SYNE1: variants seen among roughly 807,000 people sequenced by gnomAD.
The protein encoded by SYNE1 is nesprin-1.
Under a neutral mutation model 1,111.0 loss-of-function variants are expected in SYNE1, and 616 were observed. That is an observed-to-expected ratio of 0.55 (90% CI 0.52 to 0.59). The LOEUF is 0.59. SYNE1 is among the 20% of genes least tolerant of loss of function. SYNE1 has a pLI of 0.00. For missense variants in SYNE1, 10,006 were observed against 10,417.0 expected (o/e 0.96, Z 1.72); for synonymous variants, 3,855 against 3,825.8 (o/e 1.01, Z -0.28).
At chr6:152,568,092 A>G (rs947454019) in intron 3 of SYNE1, among the ~76,000 whole-genome samples, 3 of 152,078 alleles carry the variant, frequency 2.0e-5, no homozygotes, top group African/African-American at 7.2e-5. Context: ...AATAAACTAT[A>G]ACAACTACCT....
chr6:152,313,250 G>A (rs547952904), intron 87 of SYNE1, among the ~76,000 whole-genome samples: 1 of 152,202 alleles, frequency 6.6e-6, no homozygotes, highest in East Asian at 1.9e-4. Flanking sequence ...CATTGCCTGA[G>A]TCTGTTATTT....
At chr6:152,211,461 C>G in intron 124 of SYNE1, 33 bp downstream of exon 124, 1 of 1,566,580 alleles carries the variant, frequency 6.4e-7, no homozygotes, top group Non-Finnish European at 8.8e-7. Flanking sequence ...TTTACTGGAA[C>G]CTTTCTTTGT....
At chr6:152,511,635 T>G (rs375071046) in intron 6 of SYNE1, 135 of 1,589,398 alleles carry the variant, frequency 8.5e-5, no homozygotes, top group Non-Finnish European at 1.1e-4. Context: ...TATACATAAA[T>G]CATCTTTCAA....
Position 152,331,384 on chromosome 6 carries a change from A to G in SYNE1, c.13301T>C (p.Val4434Ala). The change falls in exon 78 of 146, where the codon GTG becomes GCG. Residue 4434 changes from valine (V) to alanine (A), a missense_variant. Coordinates refer to ENST00000367255, the MANE Select transcript of SYNE1 (RefSeq NM_182961.4). Reference protein sequence around the residue: ...QKALSDAQSHVNCLSDLVGQR... With the variant: ...QKALSDAQSHANCLSDLVGQR... ...GCCCACTAAGTCACTGAGACAATTC[A>G]CGTGGCTTTGTGCATCAGAGAGAGC... is the stretch of plus-strand genomic sequence containing the variant. 1 of 1,614,154 alleles carries G rather than the reference A, an allele frequency of 6.2e-7. No individual in the cohort carries two copies. Among genetic ancestry groups the G allele is most frequent in the Non-Finnish European group, 8.5e-7 (1 of 1,180,026 alleles).
rs919465504 is a variant in SYNE1 at position 152,347,253 on chromosome 6, A to ATAC, written c.11902-21_11902-19dup. ...ATCATTGCCTGCAAAAGTGAAACCA[A>ATAC]TACAGAGTTTTCAGAATTCTACTTT... On this transcript the variant is annotated intron_variant, in intron 72 of 145. Transcript: ENST00000367255. 5.2e-5 allele frequency: 84 copies of ATAC among 1,614,012 alleles called. No individual in the cohort carries two copies. The highest frequency in any genetic ancestry group is 2.9e-5 in the Non-Finnish European group (34 of 1,179,990).
At chr6:152,603,811 A>T (rs2099601985) in intron 3 of SYNE1, among the ~76,000 whole-genome samples, 1 of 104,344 alleles carries the variant, frequency 9.6e-6, no homozygotes, top group Non-Finnish European at 2.0e-5. Context: ...ATATATAGAG[A>T]GTATATATAT....
rs1057521423 is a variant in SYNE1 at position 152,143,620 on chromosome 6, T to C, written c.25119+3A>G. The C allele has an allele frequency of 9.9e-6, 16 of 1,614,074 alleles. No homozygotes were observed. In the Admixed American group the frequency reaches 2.2e-4, roughly 22 times the overall value. ...TCGGAATCAGGATGGCCAGGATACT[T>C]ACGTAGCCTTTGTAGCTGGTGTCTA... is the stretch of plus-strand genomic sequence containing the variant. On this transcript the variant is annotated splice_donor_region_variant and intron_variant, in intron 138 of 145. Coordinates refer to ENST00000367255, the MANE Select transcript of SYNE1 (RefSeq NM_182961.4).
chr6:152,334,956 T>C (rs1362498327), intron 76 of SYNE1, among the ~76,000 whole-genome samples: 1 of 152,202 alleles, frequency 6.6e-6, no homozygotes, highest in Non-Finnish European at 1.5e-5. Context: ...GGCAGTGGTG[T>C]TATGTACAGA....
Position 152,278,077 on chromosome 6 carries a change from T to C in SYNE1, c.18573+12A>G, listed in dbSNP as rs2093771822. The stretch of plus-strand genomic sequence containing the variant: ...CAACTTTCAGCTGTGGGCCAGCGGC[T>C]GGAACCCTCACCTGCATGTTGAGCT... On this transcript the variant is annotated intron_variant, in intron 98 of 145. Transcript: ENST00000367255. 1.9e-6 allele frequency: 3 copies of C among 1,613,744 alleles called. No individual in the cohort carries two copies. Among genetic ancestry groups the C allele is most frequent in the Non-Finnish European group, 2.5e-6 (3 of 1,179,910 alleles).
chr6:152,253,541 T>A (rs1219466958), intron 104 of SYNE1, among the ~76,000 whole-genome samples: 2 of 152,210 alleles, frequency 1.3e-5, no homozygotes, highest in Non-Finnish European at 2.9e-5. Flanking sequence ...AAAGCCGGAA[T>A]TTGAACCCAG....
chr6:152,631,190 T>C (rs755347365), intron 2 of SYNE1, among the ~76,000 whole-genome samples: 4 of 152,336 alleles, frequency 2.6e-5, no homozygotes, highest in Non-Finnish European at 4.4e-5. Context: ...GGTGTCCTTC[T>C]TGGCAAGGAG....
At chr6:152,187,297 G>A (rs886591326) in intron 128 of SYNE1, among the ~76,000 whole-genome samples, 2 of 152,154 alleles carry the variant, frequency 1.3e-5, no homozygotes, top group African/African-American at 4.8e-5. Flanking sequence ...AATATACAGA[G>A]AGAAATTTTC....
chr6:152,588,687 C>T (rs1471178302), intron 3 of SYNE1, among the ~76,000 whole-genome samples: 3 of 152,176 alleles, frequency 2.0e-5, no homozygotes, highest in South Asian at 2.1e-4. Flanking sequence ...CAGGCTTCCT[C>T]GCTTTGCAGT....
intron 4 of SYNE1, among the ~76,000 whole-genome samples, chr6:152,533,799 C>G (rs1390837849): frequency 6.6e-6 from 1 of 151,990 alleles, no homozygotes; most frequent in African/African-American, 2.4e-5. Context: ...TTTTCAGCAC[C>G]TAGAATATTC....
chr6:152,626,825 C>T (rs1485188355), intron 3 of SYNE1, among the ~76,000 whole-genome samples: 1 of 152,158 alleles, frequency 6.6e-6, no homozygotes, highest in East Asian at 1.9e-4. Context: ...CACCAATATC[C>T]TGATTTTCTA....
chr6:152,314,725 T>C (rs2095655859), intron 87 of SYNE1, among the ~76,000 whole-genome samples: 1 of 151,642 alleles, frequency 6.6e-6, no homozygotes, highest in Non-Finnish European at 1.5e-5. Flanking sequence ...CCAAGGCGAG[T>C]AGATCGCTTG....
At chr6:152,250,133 GC>G (rs2088692583) in intron 104 of SYNE1, among the ~76,000 whole-genome samples, 1 of 151,856 alleles carries the variant, frequency 6.6e-6, no homozygotes, top group African/African-American at 2.4e-5. Flanking sequence ...GGACACAGTG[GC>G]ATGCCTGTAG....
chr6:152,566,649 G>A (rs1438981754), intron 3 of SYNE1, among the ~76,000 whole-genome samples: 1 of 152,128 alleles, frequency 6.6e-6, no homozygotes, highest in African/African-American at 2.4e-5. Flanking sequence ...GATGCCAAAT[G>A]GACATCAGGC....
At chr6:152,525,778 T>C (rs1179283929) in intron 5 of SYNE1, among the ~76,000 whole-genome samples, 1 of 152,238 alleles carries the variant, frequency 6.6e-6, no homozygotes, top group Non-Finnish European at 1.5e-5. Flanking sequence ...AATCTTCTTG[T>C]ATACCGTATA....
Sources: gnomAD v4.1 joint callset for allele counts (sites outside exome capture counted in the v4.1 genomes callset) on GRCh38, gnomAD v4.1.1 for gene constraint, MANE v1.5 for transcripts, NCBI Gene and HGNC (gene_info 2026-07-23, HGNC 2026-07-21) for gene names.